HSH2D: variants seen among roughly 807,000 people sequenced by gnomAD.
The protein encoded by HSH2D is hematopoietic SH2 domain containing.
In HSH2D, 16 loss-of-function variants were observed where a neutral mutation model predicts 21.5. The ratio of observed to expected loss-of-function variants is 0.74; its 90% CI spans 0.50 to 1.13. The LOEUF (loss-of-function observed/expected upper bound fraction) is 1.13. Ranked by LOEUF, HSH2D falls within the 50% of genes most tolerant of loss-of-function variation. The pLI is 0.00. For missense variants in HSH2D, 418 were observed against 441.4 expected (o/e 0.95, Z 0.47); for synonymous variants, 172 against 184.7 (o/e 0.93, Z 0.56).
At chr19:16,149,012 TC>T in intron 2 of HSH2D, 137 bp downstream of exon 2, 1 of 935,456 alleles carries the variant, frequency 1.1e-6, no homozygotes, top group Non-Finnish European at 1.6e-6. Context: ...AGCTCCAGGC[TC>T]CCAGGCTTGA....
chr19:16,143,404 A>G (rs908013693), upstream of HSH2D, among the ~76,000 whole-genome samples: 7 of 152,050 alleles, frequency 4.6e-5, no homozygotes, highest in African/African-American at 1.7e-4. Context: ...CTTTGTAATG[A>G]TGTCTCACTC....
intron 2 of HSH2D, among the ~76,000 whole-genome samples, chr19:16,151,864 G>A (rs1411276692): frequency 6.6e-6 from 1 of 150,928 alleles, no homozygotes; most frequent in African/African-American, 2.4e-5. Context: ...CCAGCACTTT[G>A]GGAGGCTGAG....
chr19:16,152,968 C>T (rs1236093643), intron 3 of HSH2D, 75 bp from the exon 4 acceptor site: 3 of 1,534,816 alleles, frequency 2.0e-6, no homozygotes, highest in Non-Finnish European at 2.7e-6. Context: ...AGTGACGCTG[C>T]CGGCCCAAGG....
intron 2 of HSH2D, among the ~76,000 whole-genome samples, chr19:16,149,308 T>C (rs1488902338): frequency 6.6e-6 from 1 of 152,194 alleles, no homozygotes; most frequent in Non-Finnish European, 1.5e-5. Context: ...ACTCAAGTGA[T>C]TCTTCCGCCT....
Position 16,148,881 on chromosome 19 carries a change from G to A in HSH2D, c.125+6G>A, listed in dbSNP as rs943591646. Reference sequence around the variant, plus strand: ...CATGGTGCAATCTCAAGAGAGTGAGGACACACCCACACCCTCCACCCTGCC... The same window carrying A: ...CATGGTGCAATCTCAAGAGAGTGAGAACACACCCACACCCTCCACCCTGCC... On this transcript the variant is annotated splice_donor_region_variant and intron_variant, in intron 2 of 5. Coordinates refer to ENST00000613986, the MANE Select transcript of HSH2D (RefSeq NM_001382417.1). 9 of 1,608,766 alleles carry A rather than the reference G, an allele frequency of 5.6e-6. No homozygotes were observed. The highest frequency in any genetic ancestry group is 3.3e-4 in the Middle Eastern group (2 of 6,008).
Position 16,157,385 on chromosome 19 carries a change from T to A in HSH2D, c.650T>A (p.Val217Asp). Reference sequence around the variant, plus strand: ...ATGCTCCCCGAGAGAGGCCAGAGGGTCCGGCAGCAGCTAAAAAGCCACCTC... The same window carrying A: ...ATGCTCCCCGAGAGAGGCCAGAGGGACCGGCAGCAGCTAAAAAGCCACCTC... ...LKMLPERGQRVRQQLKSHLAT... is the reference protein window; with the variant it reads ...LKMLPERGQRDRQQLKSHLAT... The change falls in exon 6 of 6, where the codon GTC becomes GAC. Residue 217 changes from valine to aspartate, a missense_variant. By Grantham distance (152) the Val-to-Asp change is radical (BLOSUM62 -3). Transcript: ENST00000613986. The surrounding 1 kb of genome is among the most constrained non-coding windows in gnomAD (Gnocchi z 4.4). The A allele has an allele frequency of 6.2e-7, 1 of 1,612,428 alleles. No homozygotes were observed.
chr19:16,149,193 G>C (rs1039203541), intron 2 of HSH2D, among the ~76,000 whole-genome samples: 4 of 152,130 alleles, frequency 2.6e-5, no homozygotes, highest in Non-Finnish European at 4.4e-5. Context: ...GCAGCATGCA[G>C]CCTCAGAATC....
chr19:16,144,767 A>T (rs1380582569), intron 1 of HSH2D, among the ~76,000 whole-genome samples: 1 of 135,294 alleles, frequency 7.4e-6, no homozygotes, highest in African/African-American at 2.8e-5. Flanking sequence ...ATCTCAGCTC[A>T]CTGCAAGCTC....
chr19:16,146,311 G>A (rs1352717954), intron 1 of HSH2D, among the ~76,000 whole-genome samples: 1 of 152,160 alleles, frequency 6.6e-6, no homozygotes, highest in East Asian at 1.9e-4. Flanking sequence ...GGTGTGCCAT[G>A]AGTGGCTACA....
chr19:16,153,494 C>T (rs1487971877), intron 4 of HSH2D, among the ~76,000 whole-genome samples: 1 of 152,226 alleles, frequency 6.6e-6, no homozygotes, highest in African/African-American at 2.4e-5. Flanking sequence ...GACATCTTTC[C>T]TTAGAAGGCT....
At chr19:16,145,839 G>C (rs554993253) in intron 1 of HSH2D, among the ~76,000 whole-genome samples, 5 of 152,280 alleles carry the variant, frequency 3.3e-5, no homozygotes, top group African/African-American at 9.6e-5. Context: ...ACTTTGGGAG[G>C]CCAAGGTGGG....
At chr19:16,134,771 A>C (rs1443780042) in intron 1 of HSH2D, among the ~76,000 whole-genome samples, 9 of 152,032 alleles carry the variant, frequency 5.9e-5, no homozygotes, top group African/African-American at 2.2e-4. Flanking sequence ...TCTGTGTTTC[A>C]AACTATTTTC....
intron 1 of HSH2D, among the ~76,000 whole-genome samples, chr19:16,146,966 C>T (rs2091079759): frequency 6.6e-6 from 1 of 151,716 alleles, no homozygotes; most frequent in African/African-American, 2.4e-5. Context: ...GCTGGGATTA[C>T]AGGCACCCAC....
chr19:16,155,339 A>C (rs1022001152), intron 5 of HSH2D, among the ~76,000 whole-genome samples: 2 of 152,106 alleles, frequency 1.3e-5, no homozygotes, highest in Admixed American at 1.3e-4. Flanking sequence ...GAGATCTGCA[A>C]GGTGAGGAGG....
chr19:16,138,419 T>A (rs942917265), intron 1 of HSH2D, among the ~76,000 whole-genome samples: 3 of 152,218 alleles, frequency 2.0e-5, no homozygotes, highest in African/African-American at 7.2e-5. Context: ...GCCTCAGACA[T>A]ACCAAGTTCT....
At chr19:16,156,612 C>T (rs145900355) in intron 5 of HSH2D, among the ~76,000 whole-genome samples, 2,154 of 152,272 alleles carry the variant, frequency 0.014, 28 homozygotes, top group Middle Eastern at 0.054. Context: ...CTCTGGCATC[C>T]GCTACAACAG....
At chr19:16,148,304 A>T (rs1466945826) in intron 1 of HSH2D, among the ~76,000 whole-genome samples, 2 of 151,996 alleles carry the variant, frequency 1.3e-5, no homozygotes, top group East Asian at 3.9e-4. Context: ...GCCCACCACC[A>T]CACCCAGCTA....
upstream of HSH2D, among the ~76,000 whole-genome samples, chr19:16,142,333 C>T (rs75432557): frequency 0.091 from 13,797 of 152,284 alleles, 746 homozygotes; most frequent in Non-Finnish European, 0.12. Flanking sequence ...CCTCAAATGC[C>T]CCTTCCTTCA....
chr19:16,148,885 C>T lies in HSH2D; in HGVS notation c.125+10C>T, dbSNP rs1280646018. The T allele has an allele frequency of 2.5e-6, 4 of 1,603,256 alleles. No homozygotes were observed. The highest frequency in any genetic ancestry group is 3.4e-6 in the Non-Finnish European group (4 of 1,173,578). ...GTGCAATCTCAAGAGAGTGAGGACA[C>T]ACCCACACCCTCCACCCTGCCCTCC... On this transcript the variant is annotated intron_variant, in intron 2 of 5. Coordinates refer to ENST00000613986, the MANE Select transcript of HSH2D (RefSeq NM_001382417.1).
Sources: gnomAD v4.1 joint callset for allele counts (sites outside exome capture counted in the v4.1 genomes callset) on GRCh38, gnomAD v4.1.1 for gene constraint, Gnocchi (gnomAD v3.1) non-coding constraint, MANE v1.5 for transcripts, NCBI Gene and HGNC (gene_info 2026-07-23, HGNC 2026-07-21) for gene names.